Variants in ARMCX4 observed in about 807,000 individuals in gnomAD.
The protein encoded by ARMCX4 is armadillo repeat-containing X-linked protein 4.
A neutral mutation model predicts 34.7 loss-of-function variants in ARMCX4; 3 were observed. The ratio of observed to expected loss-of-function variants is 0.09; its 90% confidence interval spans 0.04 to 0.22. The LOEUF (loss-of-function observed/expected upper bound fraction) is 0.22, where lower values mean the gene tolerates loss of function less well. Among genes scored for constraint, ARMCX4 ranks in the 10% least tolerant of loss-of-function variants. The pLI, the probability that ARMCX4 is intolerant of heterozygous loss-of-function variation, is 1.00. For synonymous variants in ARMCX4, 513 were observed against 632.8 expected (o/e 0.81, Z 2.84); for missense variants, 1,448 against 1,720.8 (o/e 0.84, Z 2.81).
At chrX:101,512,120 G>A (rs1317310989) in intron 11 of ARMCX4, among the ~76,000 whole-genome samples, 2 of 111,104 alleles carry the variant, frequency 1.8e-5, no homozygotes, top group Non-Finnish European at 3.8e-5. Context: ...GGCCGCTCAC[G>A]CCTGTAATCC....
rs781835187 is a variant in ARMCX4 at position 101,439,110 on chromosome X, G to A, written n.165-4942G>A. Among the ~76,000 whole-genome samples, 792 of 111,836 alleles carry A rather than the reference G, an allele frequency of 7.1e-3. 5 individuals are homozygous for A. Among genetic ancestry groups the A allele is most frequent in the Non-Finnish European group, 0.012 (637 of 53,179 alleles). ...GCATGTTTTTGCAGTGGCTGGTACCGGTTGTTCCTTTCCATGTTTAGTGCT... is the reference window on the plus strand; with the variant it reads ...GCATGTTTTTGCAGTGGCTGGTACCAGTTGTTCCTTTCCATGTTTAGTGCT... On this transcript the variant is annotated intron_variant and non_coding_transcript_variant, in intron 2 of 3. Transcript: ENST00000430461.
chrX:101,431,575 G>T (rs183912793), intron 2 of ARMCX4, among the ~76,000 whole-genome samples: 2 of 110,702 alleles, frequency 1.8e-5, no homozygotes, highest in Non-Finnish European at 3.8e-5. Context: ...ACAGAGTCTC[G>T]CTCTGTTGCC....
chrX:101,510,708 GTT>G (rs1934562559), intron 10 of ARMCX4, among the ~76,000 whole-genome samples: 1 of 111,693 alleles, frequency 9.0e-6, no homozygotes, highest in East Asian at 2.8e-4. Flanking sequence ...CTAAAATTGT[GTT>G]ACTGTTGTCT....
chrX:101,480,847 G>A (rs1304737311), upstream of ARMCX4, among the ~76,000 whole-genome samples: 1 of 112,237 alleles, frequency 8.9e-6, no homozygotes, highest in Admixed American at 9.5e-5. Flanking sequence ...CTTGCCAGGT[G>A]CAGTAGCTCA....
Position 101,495,616 on chromosome X carries a change from T to C in ARMCX4, c.*154T>C, listed in dbSNP as rs1434268044. 8.2e-6 allele frequency: 4 copies of C among 488,228 alleles called. No individual in the cohort carries two copies. Among genetic ancestry groups the C allele is most frequent in the Non-Finnish European group, 1.2e-5 (4 of 326,708 alleles). 40.2% of individuals were successfully genotyped at this position (488,228 alleles called of 1,213,427 possible). Reference sequence around the variant, plus strand: ...TATGAACACCAAATGAATTCAAGCTTGTACTAAAAATACATGTGTTGATTT... The same window carrying C: ...TATGAACACCAAATGAATTCAAGCTCGTACTAAAAATACATGTGTTGATTT... On this transcript the variant is annotated 3_prime_UTR_variant, in exon 6 of 6. Coordinates refer to ENST00000423738, the MANE Select transcript of ARMCX4 (RefSeq NM_001256155.3).
downstream of ARMCX4, among the ~76,000 whole-genome samples, chrX:101,448,852 C>T (rs936894008): frequency 2.7e-5 from 3 of 109,780 alleles, no homozygotes; most frequent in African/African-American, 9.9e-5. Context: ...TGGCCTCCCA[C>T]CAAAGTGCTG....
At chrX:101,508,770 T>A (rs1344813832) in intron 8 of ARMCX4, among the ~76,000 whole-genome samples, 1 of 111,756 alleles carries the variant, frequency 8.9e-6, no homozygotes, top group Non-Finnish European at 1.9e-5. Flanking sequence ...AATAACATAC[T>A]TATATTGTTT....
intron 2 of ARMCX4, among the ~76,000 whole-genome samples, chrX:101,424,246 C>G (rs1172614630): frequency 9.0e-6 from 1 of 111,663 alleles, no homozygotes; most frequent in Non-Finnish European, 1.9e-5. Context: ...GGGTGCTGTG[C>G]TTGTAGGGGG....
At chrX:101,437,394 G>A (rs781846355) in intron 2 of ARMCX4, among the ~76,000 whole-genome samples, 35 of 111,812 alleles carry the variant, frequency 3.1e-4, no homozygotes, top group Non-Finnish European at 5.5e-4. Context: ...GTGTCGAGGA[G>A]TTTATCCATT....
At chrX:101,505,085 G>A (rs1309158791) in exon 8 of ARMCX4, 1 of 111,475 alleles carries the variant, frequency 9.0e-6, no homozygotes, top group African/African-American at 3.3e-5. Context: ...AGTGTTGGGA[G>A]GTGGTACCCT....
At chrX:101,447,557 A>G (rs1555998301), downstream of ARMCX4, 1 of 112,185 alleles carries the variant, frequency 8.9e-6, no homozygotes, top group African/African-American at 3.2e-5. Context: ...AAATGTGAAG[A>G]GAAGACGCTT....
intron 2 of ARMCX4, among the ~76,000 whole-genome samples, chrX:101,431,900 T>C (rs1930051346): frequency 1.8e-5 from 2 of 112,161 alleles, no homozygotes; most frequent in African/African-American, 6.5e-5. Context: ...GTTTTGCTAA[T>C]AGTGTATGTT....
downstream of ARMCX4, among the ~76,000 whole-genome samples, chrX:101,449,399 C>CT (rs1455462109): frequency 9.0e-6 from 1 of 111,613 alleles, no homozygotes; most frequent in African/African-American, 3.3e-5. Flanking sequence ...TATTTAAATT[C>CT]TTTTTTCTTT....
At chrX:101,453,422 G>A (rs1219355071) in intron 4 of ARMCX4, among the ~76,000 whole-genome samples, 1 of 111,980 alleles carries the variant, frequency 8.9e-6, no homozygotes, top group Non-Finnish European at 1.9e-5. Context: ...CCTGGGGTAT[G>A]TGGTTAAAAT....
In ARMCX4 at chrX:101,493,895, C is replaced by G. The variant is rs782089757; in HGVS notation, c.5306C>G (p.Ser1769Cys). Reference protein sequence around the residue: ...PDDKDEATTASRSGAGEEAMI... With the variant: ...PDDKDEATTACRSGAGEEAMI... ...GATAAAGATGAGGCCACTACTGCAT[C>G]CAGATCAGGGGCTGGGGAAGAGGCC... Residue 1769 changes from serine (S) to cysteine (C), a missense_variant, in exon 6 of 6, where the codon TCC becomes TGC. Physicochemically the swap from Ser to Cys is moderately radical, Grantham distance 112 (BLOSUM62 -1). Coordinates refer to ENST00000423738, the MANE Select transcript of ARMCX4 (RefSeq NM_001256155.3). 1.7e-6 allele frequency: 2 copies of G among 1,146,812 alleles called. No homozygotes were observed. The highest frequency in any genetic ancestry group is 2.7e-5 in the Admixed American group (1 of 37,532). The allele number at this position is 1,146,812 out of a possible 1,213,427, so 94.5% of individuals were successfully genotyped here.
chrX:101,447,434 G>C (rs1261265634), downstream of ARMCX4: 3 of 112,310 alleles, frequency 2.7e-5, no homozygotes, highest in Admixed American at 1.9e-4. Context: ...ATCCAGTGGT[G>C]AGAAAATAAC....
intron 7 of ARMCX4, among the ~76,000 whole-genome samples, chrX:101,503,163 A>G (rs1393188170): frequency 9.2e-6 from 1 of 109,232 alleles, no homozygotes; most frequent in East Asian, 2.9e-4. Flanking sequence ...TATGTGCCAC[A>G]TTTTCTTAAT....
At chrX:101,463,705 T>A (rs929278607) in intron 4 of ARMCX4, among the ~76,000 whole-genome samples, 5 of 111,567 alleles carry the variant, frequency 4.5e-5, no homozygotes, top group African/African-American at 6.5e-5. Context: ...ATAAAGTGCT[T>A]GCTACAATTA....
intron 4 of ARMCX4, among the ~76,000 whole-genome samples, chrX:101,479,304 C>CCACA (rs34549014): frequency 1.8e-4 from 14 of 78,195 alleles, no homozygotes; most frequent in African/African-American, 3.7e-4. Flanking sequence ...ATAAAGAAAA[C>CCACA]CACACACACA....
Sources: allele counts gnomAD v4.1 joint callset (sites outside exome capture counted in the v4.1 genomes callset), GRCh38; gene constraint gnomAD v4.1.1; transcripts MANE v1.5; gene names NCBI Gene and HGNC (gene_info 2026-07-23, HGNC 2026-07-21).